Variants in OR2T12 observed in about 807,000 individuals in gnomAD.
The protein encoded by OR2T12 is olfactory receptor family 2 subfamily T member 12.
For missense variants in OR2T12, 335 were observed against 404.3 expected, an observed-to-expected ratio of 0.83 and a Z score of 1.47; for synonymous variants, 127 against 160.5, an observed-to-expected ratio of 0.79 and a Z score of 1.58.
chr1:248,299,799 C>T (rs570815034), intron 2 of OR2T12, among the ~76,000 whole-genome samples: 300 of 152,212 alleles, frequency 2.0e-3, no homozygotes, highest in Admixed American at 4.1e-3. Flanking sequence ...AGCTCTCCTC[C>T]GCAAATCTAA....
Position 248,295,430 on chromosome 1 carries a change from T to A in OR2T12, c.149A>T (p.Asp50Val). 1 of 1,597,518 alleles carries A rather than the reference T, an allele frequency of 6.3e-7. No individual in the cohort carries two copies. Reference protein sequence around the residue: ...NALMILLIHWDHRLHRPMYFL... With the variant: ...NALMILLIHWVHRLHRPMYFL... ...GTACATGGGCCTGTGGAGCCGGTGGTCCCAGTGAATCAGGAGAATCATGAG... is the reference window on the plus strand; with the variant it reads ...GTACATGGGCCTGTGGAGCCGGTGGACCCAGTGAATCAGGAGAATCATGAG... Residue 50 changes from aspartate to valine, a missense_variant, in exon 3 of 3, where the codon GAC (aspartate) becomes GTC (valine). Transcript: ENST00000641276.
chr1:248,296,787 T>C (rs1387146742), intron 2 of OR2T12, among the ~76,000 whole-genome samples: 1 of 152,198 alleles, frequency 6.6e-6, no homozygotes, highest in East Asian at 1.9e-4. Context: ...GCGAAAATTT[T>C]CTCCCATTTT....
rs1374922678 is a variant in OR2T12, at chr1:248,292,090, A to C, written c.*2526T>G. ...AAATTGACAAATGGGATATAATTAA[A>C]CTAAATAGCTTCTGCACAGCAGAAG... is the stretch of plus-strand genomic sequence containing the variant. On this transcript the variant is annotated 3_prime_UTR_variant, in exon 3 of 3. Coordinates refer to ENST00000641276, the MANE Select transcript of OR2T12 (RefSeq NM_001004692.2). The C allele has an allele frequency of 6.6e-6, 1 of 152,176 alleles. No individual in the cohort carries two copies. Among genetic ancestry groups the C allele is most frequent in the East Asian group, 1.9e-4 (1 of 5,204 alleles). 9.4% of individuals were successfully genotyped at this position (152,176 alleles called of 1,614,324 possible).
chr1:248,297,257 C>G (rs1409783908), intron 2 of OR2T12, among the ~76,000 whole-genome samples: 1 of 152,002 alleles, frequency 6.6e-6, no homozygotes, highest in Non-Finnish European at 1.5e-5. Flanking sequence ...GTTACTGTAG[C>G]CTTGTAGTAT....
chr1:248,297,650 C>T (rs1352840767), intron 2 of OR2T12, among the ~76,000 whole-genome samples: 3 of 151,966 alleles, frequency 2.0e-5, no homozygotes, highest in Admixed American at 6.6e-5. Context: ...ATTTGGCTCT[C>T]TGTCTGTTAT....
chr1:248,300,208 T>A (rs1001329252), intron 2 of OR2T12, among the ~76,000 whole-genome samples: 1 of 152,102 alleles, frequency 6.6e-6, no homozygotes, highest in African/African-American at 2.4e-5. Context: ...ACATCAGAAG[T>A]CTTTTACAGA....
At position 248,292,782 on chromosome 1, in the gene OR2T12, C is replaced by A. The variant is rs944139067; in HGVS notation, c.*1834G>T. ...TTGTTGTTGTTGTTGTTTTAGTTTT[C>A]TCCTGAACATTAGGCTTAATTTTCT... is the stretch of plus-strand genomic sequence containing the variant. On this transcript the variant is annotated 3_prime_UTR_variant, in exon 3 of 3. Transcript: ENST00000641276. 5 of 151,786 alleles carry A rather than the reference C, an allele frequency of 3.3e-5. No individual in the cohort carries two copies. 9.4% of individuals were successfully genotyped at this position (151,786 alleles called of 1,614,324 possible).
In OR2T12 at chr1:248,293,052, A is replaced by G. The variant is rs1187484233; in HGVS notation, c.*1564T>C. 6.6e-6 allele frequency: 1 copy of G among 152,108 alleles called. No homozygotes were observed. Among genetic ancestry groups the G allele is most frequent in the Admixed American group, 6.5e-5 (1 of 15,270 alleles). 9.4% of individuals were successfully genotyped at this position (152,108 alleles called of 1,614,324 possible). A position where few individuals can be genotyped will look rare whatever the true frequency, so the allele number is the denominator to read the frequency against. On this transcript the variant is annotated 3_prime_UTR_variant, in exon 3 of 3. Coordinates refer to ENST00000641276, the MANE Select transcript of OR2T12 (RefSeq NM_001004692.2). Reference sequence around the variant, plus strand: ...CACTGGGTAAGGAGATTAATTAACAAGAGTAGGAAACTCTTAGTCTTAAAC... The same window carrying G: ...CACTGGGTAAGGAGATTAATTAACAGGAGTAGGAAACTCTTAGTCTTAAAC...
rs1236918720 is a variant in OR2T12, at chr1:248,290,833, T to C, written c.*3783A>G. ...GTATACATGTGCCATGTTGGTGACT[T>C]TTTAATAATTGCCATTCTAACTGAT... On this transcript the variant is annotated 3_prime_UTR_variant, in exon 3 of 3. Transcript: ENST00000641276. 2 of 152,180 alleles carry C rather than the reference T, an allele frequency of 1.3e-5. No individual in the cohort carries two copies. The highest frequency in any genetic ancestry group is 2.4e-5 in the African/African-American group (1 of 41,446). The allele number at this position is 152,180 out of a possible 1,614,324, so 9.4% of individuals were successfully genotyped here.
intron 2 of OR2T12, among the ~76,000 whole-genome samples, 171 bp from the exon 3 acceptor site, chr1:248,295,757 T>A (rs935504436): frequency 9.2e-5 from 14 of 152,182 alleles, no homozygotes; most frequent in African/African-American, 3.4e-4. Context: ...CATTCACTTC[T>A]CTATAGCTCA....
rs1480349456 is a variant in OR2T12, at chr1:248,291,007, T to C, written c.*3609A>G. On this transcript the variant is annotated 3_prime_UTR_variant, in exon 3 of 3. Transcript: ENST00000641276. ...TTTGCCCACTTTTTGATGGGGTTGT[T>C]TTTTTTTTCTTATAAATATGTTTAA... 7.0e-6 allele frequency: 1 copy of C among 143,250 alleles called. No homozygotes were observed. Among genetic ancestry groups the C allele is most frequent in the Non-Finnish European group, 1.5e-5 (1 of 67,586 alleles). The allele number at this position is 143,250 out of a possible 1,614,324, so 8.9% of individuals were successfully genotyped here.
intron 2 of OR2T12, among the ~76,000 whole-genome samples, chr1:248,297,622 A>G (rs1266584063): frequency 6.6e-6 from 1 of 152,182 alleles, no homozygotes; most frequent in Non-Finnish European, 1.5e-5. Flanking sequence ...AGCAATTGTG[A>G]ATGGGAGTTT....
At chr1:248,299,849 T>C (rs1355309672) in intron 2 of OR2T12, among the ~76,000 whole-genome samples, 1 of 152,172 alleles carries the variant, frequency 6.6e-6, no homozygotes, top group African/African-American at 2.4e-5. Flanking sequence ...CAGACCACGG[T>C]GCAATCAAAC....
chr1:248,299,388 A>C (rs1380197520), intron 2 of OR2T12, among the ~76,000 whole-genome samples: 1 of 152,098 alleles, frequency 6.6e-6, no homozygotes, highest in Non-Finnish European at 1.5e-5. Flanking sequence ...TTGCAATCCT[A>C]GTCTCTGATA....
intron 1 of OR2T12, among the ~76,000 whole-genome samples, 163 bp from the exon 2 acceptor site, chr1:248,301,716 T>A (rs1401986820): frequency 6.6e-6 from 1 of 152,152 alleles, no homozygotes; most frequent in Admixed American, 6.5e-5. Context: ...CTAATCTACA[T>A]TGTTTCTGTT....
intron 2 of OR2T12, among the ~76,000 whole-genome samples, chr1:248,296,614 A>C (rs1659732334): frequency 6.6e-6 from 1 of 152,116 alleles, no homozygotes; most frequent in African/African-American, 2.4e-5. Context: ...AGTGATGGTG[A>C]GCATTTTTTC....
rs776614538 is a variant in OR2T12, at chr1:248,294,566, A to T, written c.*50T>A. On this transcript the variant is annotated 3_prime_UTR_variant, in exon 3 of 3. Coordinates refer to ENST00000641276, the MANE Select transcript of OR2T12 (RefSeq NM_001004692.2). ...AATTACTAAAGGGAGAGAATTACAT[A>T]GTGTTAAAATGTTAATAAATTCAGG... The T allele has an allele frequency of 2.8e-5, 43 of 1,554,324 alleles. No individual in the cohort carries two copies. The highest frequency in any genetic ancestry group is 3.6e-5 in the Non-Finnish European group (42 of 1,151,432).
At chr1:248,301,112 C>T (rs866988991) in intron 2 of OR2T12, among the ~76,000 whole-genome samples, 11 of 151,954 alleles carry the variant, frequency 7.2e-5, no homozygotes, top group Non-Finnish European at 1.6e-4. Context: ...CTCAAAATTC[C>T]CTTCATACCC....
chr1:248,294,992 G>A lies in OR2T12; in HGVS notation c.587C>T (p.Ala196Val), dbSNP rs536165632. ...ACADTSVFENAMYICCVLMLL... is the reference protein window; with the variant it reads ...ACADTSVFENVMYICCVLMLL... ...CATTAACACACAGCAGATGTACATG[G>A]CGTTTTCGAAGACTGAAGTGTCAGC... The change falls in exon 3 of 3, where the codon GCC (alanine) becomes GTC (valine). Residue 196 changes from alanine to valine, a missense_variant. Physicochemically the swap from Ala to Val is moderately conservative, Grantham distance 64. Coordinates refer to ENST00000641276, the MANE Select transcript of OR2T12 (RefSeq NM_001004692.2). The A allele has an allele frequency of 6.2e-7, 1 of 1,611,232 alleles. No homozygotes were observed. Among genetic ancestry groups the A allele is most frequent in the South Asian group, 1.1e-5 (1 of 90,924 alleles).
Sources: gnomAD v4.1 joint callset for allele counts (sites outside exome capture counted in the v4.1 genomes callset) on GRCh38, gnomAD v4.1.1 for gene constraint, MANE v1.5 for transcripts, NCBI Gene and HGNC (gene_info 2026-07-23, HGNC 2026-07-21) for gene names.